Variants in LNX1 observed in about 807,000 individuals in gnomAD.
LNX1 encodes the protein ligand of numb-protein X 1, also known as E3 ubiquitin-protein ligase LNX.
In LNX1, 54 loss-of-function variants were observed where a neutral mutation model predicts 68.4. That is an observed-to-expected ratio of 0.79 (90% CI 0.63 to 0.99). The LOEUF is 0.99. Among genes scored for constraint, LNX1 ranks in the 50% least tolerant of loss-of-function variants. The probability of loss-of-function intolerance (pLI) is 0.00; values close to 1 mark genes in which losing one functional copy is unlikely to be tolerated. For missense variants in LNX1, 906 were observed against 926.4 expected, an observed-to-expected ratio of 0.98 and a Z score of 0.29; for synonymous variants, 336 against 350.0, an observed-to-expected ratio of 0.96 and a Z score of 0.45.
At chr4:53,465,069 C>T (rs1305735276) in intron 9 of LNX1, among the ~76,000 whole-genome samples, 2 of 152,092 alleles carry the variant, frequency 1.3e-5, no homozygotes, top group Non-Finnish European at 2.9e-5. Flanking sequence ...AGCTATTCTT[C>T]CAAGCGTCTT....
chr4:53,609,768 ATATT>A, intron 2 of LNX1, among the ~76,000 whole-genome samples: 1 of 143,230 alleles, frequency 7.0e-6, no homozygotes, highest in Non-Finnish European at 1.5e-5. Context: ...ATACTATTAT[ATATT>A]ATATATAATA....
At chr4:53,644,511 C>G (rs1734808502) in intron 1 of LNX1, among the ~76,000 whole-genome samples, 1 of 152,132 alleles carries the variant, frequency 6.6e-6, no homozygotes, top group Non-Finnish European at 1.5e-5. Flanking sequence ...ATTTATGTAC[C>G]TGTGTTGACA....
rs369229696 is a variant in LNX1 at position 53,507,173 on chromosome 4, G to T, written c.775+144C>A. ...CTGCCTTTAGCTACATACGTGAGAA[G>T]TAGGCTAATCAAAGTAAAAAATATT... On this transcript the variant is annotated intron_variant, in intron 4 of 10. Transcript: ENST00000263925. The T allele has an allele frequency of 2.2e-3, 1,718 of 788,330 alleles. 14 individuals carry two copies. Among genetic ancestry groups the T allele is most frequent in the South Asian group, 0.014 (634 of 45,398 alleles). The allele number at this position is 788,330 out of a possible 1,614,324, so 48.8% of individuals were successfully genotyped here.
intron 2 of LNX1, among the ~76,000 whole-genome samples, chr4:53,522,718 C>T (rs1219483471): frequency 2.6e-5 from 4 of 152,050 alleles, no homozygotes; most frequent in Non-Finnish European, 4.4e-5. Flanking sequence ...GTAATTGAGG[C>T]TCAGAGAAGA....
intron 2 of LNX1, among the ~76,000 whole-genome samples, chr4:53,543,900 A>AT (rs1728920842): frequency 6.8e-6 from 1 of 147,092 alleles, no homozygotes; most frequent in South Asian, 2.2e-4. Flanking sequence ...TTAAAAAACA[A>AT]AAACAAACAA....
intron 2 of LNX1, among the ~76,000 whole-genome samples, chr4:53,566,042 G>A (rs1451374208): frequency 6.6e-6 from 1 of 151,112 alleles, no homozygotes; most frequent in Non-Finnish European, 1.5e-5. Context: ...TGAAAGTGAT[G>A]GGGAGAATGG....
intron 2 of LNX1, among the ~76,000 whole-genome samples, chr4:53,544,841 T>C (rs1728995209): frequency 6.6e-6 from 1 of 152,138 alleles, no homozygotes; most frequent in Non-Finnish European, 1.5e-5. Flanking sequence ...TGCAATGACA[T>C]CATAACAGAG....
intron 2 of LNX1, among the ~76,000 whole-genome samples, chr4:53,570,633 G>A (rs1449137438): frequency 6.6e-6 from 1 of 150,666 alleles, no homozygotes; most frequent in Non-Finnish European, 1.5e-5. Context: ...CCTGCGTAAT[G>A]TGCACATGTA....
Position 53,507,358 on chromosome 4 carries a change from T to C in LNX1, c.734A>G (p.Asp245Gly), listed in dbSNP as rs757521282. ...KSGSAVANHA[D>G]QGRENSENTT... is the part of the protein sequence containing the mutation. ...GTTTTCAGAATTTTCCCTGCCCTGG[T>C]CGGCATGGTTGGCAACTGCACTCCC... The change falls in exon 4 of 11, where the codon GAC becomes GGC. Residue 245 changes from aspartate to glycine, a missense_variant. Coordinates refer to ENST00000263925, the MANE Select transcript of LNX1 (RefSeq NM_001126328.3). 5.0e-6 allele frequency: 8 copies of C among 1,614,148 alleles called. No homozygotes were observed. Among genetic ancestry groups the C allele is most frequent in the Non-Finnish European group, 6.8e-6 (8 of 1,180,024 alleles).
intron 1 of LNX1, among the ~76,000 whole-genome samples, chr4:53,581,027 G>A (rs1731801261): frequency 6.6e-6 from 1 of 152,134 alleles, no homozygotes; most frequent in Admixed American, 6.5e-5. Context: ...CAGGCCACAA[G>A]CAACTGATGG....
chr4:53,557,447 C>T (rs1299434415), intron 2 of LNX1, among the ~76,000 whole-genome samples: 1 of 151,922 alleles, frequency 6.6e-6, no homozygotes, highest in East Asian at 1.9e-4. Flanking sequence ...GATACTATAC[C>T]TGTTTTCAGG....
intron 6 of LNX1, among the ~76,000 whole-genome samples, chr4:53,495,317 A>G (rs1269327855): frequency 6.6e-6 from 1 of 152,238 alleles, no homozygotes; most frequent in Non-Finnish European, 1.5e-5. Context: ...CGAAGTCAAC[A>G]AAATACATAC....
chr4:53,595,558 T>C (rs1291581006), upstream of LNX1, among the ~76,000 whole-genome samples: 4 of 152,232 alleles, frequency 2.6e-5, no homozygotes, highest in African/African-American at 9.6e-5. Flanking sequence ...CAAGCCTCTT[T>C]TGCAGTCAAC....
chr4:53,472,696 AAAAC>A (rs1448370807), intron 9 of LNX1, among the ~76,000 whole-genome samples: 127 of 135,486 alleles, frequency 9.4e-4, no homozygotes, highest in African/African-American at 3.0e-3. Flanking sequence ...AAAAAAAAAA[AAAAC>A]AAAAAACAAT....
chr4:53,634,634 G>C (rs1050035317), intron 1 of LNX1, among the ~76,000 whole-genome samples: 7 of 151,912 alleles, frequency 4.6e-5, no homozygotes, highest in African/African-American at 1.5e-4. Context: ...TCACAGTGGG[G>C]AATTGGCCAA....
At chr4:53,562,953 G>A (rs757925168) in intron 2 of LNX1, among the ~76,000 whole-genome samples, 13 of 152,154 alleles carry the variant, frequency 8.5e-5, no homozygotes, top group East Asian at 3.8e-4. Flanking sequence ...GCTCAAGCCC[G>A]TAATCCCAGA....
intron 1 of LNX1, among the ~76,000 whole-genome samples, chr4:53,640,139 G>A (rs984991413): frequency 6.6e-6 from 1 of 152,246 alleles, no homozygotes; most frequent in African/African-American, 2.4e-5. Flanking sequence ...AATGACAGTG[G>A]TGGTGGGAGT....
At chr4:53,631,166 C>T (rs904076777) in intron 1 of LNX1, among the ~76,000 whole-genome samples, 4 of 152,114 alleles carry the variant, frequency 2.6e-5, no homozygotes, top group African/African-American at 9.7e-5. Context: ...AGTTTTAGTA[C>T]CCAGGGGGAG....
intron 1 of LNX1, among the ~76,000 whole-genome samples, 199 bp from the exon 2 acceptor site, chr4:53,574,287 A>C (rs1731353112): frequency 6.6e-6 from 1 of 152,206 alleles, no homozygotes; most frequent in Admixed American, 6.5e-5. Context: ...TTTTCCACGC[A>C]TGCCAGTGGG....
Sources: allele counts gnomAD v4.1 joint callset (sites outside exome capture counted in the v4.1 genomes callset), GRCh38; gene constraint gnomAD v4.1.1; transcripts MANE v1.5; gene names NCBI Gene and HGNC (gene_info 2026-07-23, HGNC 2026-07-21).